HERC1: variants seen among roughly 807,000 people sequenced by gnomAD.
HERC1 encodes probable E3 ubiquitin-protein ligase HERC1.
Under a neutral mutation model 554.3 loss-of-function variants are expected in HERC1, and 160 were observed. The ratio of observed to expected loss-of-function variants is 0.29; its 90% CI spans 0.25 to 0.33. The LOEUF (loss-of-function observed/expected upper bound fraction) is 0.33. HERC1 is among the 10% of genes least tolerant of loss of function. The probability of loss-of-function intolerance (pLI) is 1.00; values close to 1 mark genes in which losing one functional copy is unlikely to be tolerated. For missense variants in HERC1, 4,919 were observed against 5,918.5 expected (o/e 0.83, Z 5.54); for synonymous variants, 2,175 against 2,131.7 (o/e 1.02, Z -0.56).
chr15:63,828,390 A>G (rs2078014380), intron 1 of HERC1, among the ~76,000 whole-genome samples: 1 of 151,844 alleles, frequency 6.6e-6, no homozygotes, highest in Admixed American at 6.6e-5. Flanking sequence ...CCCAGGCTGC[A>G]GTGCAATGGC....
At chr15:63,736,900 C>A (rs777460831) in intron 12 of HERC1, among the ~76,000 whole-genome samples, 3 of 152,100 alleles carry the variant, frequency 2.0e-5, no homozygotes, top group Non-Finnish European at 4.4e-5. Context: ...AGCCACCACG[C>A]CCGGCCATAG....
intron 19 of HERC1, among the ~76,000 whole-genome samples, 200 bp from the exon 20 acceptor site, chr15:63,719,097 C>T (rs569720858): frequency 6.6e-6 from 1 of 152,234 alleles, no homozygotes; most frequent in South Asian, 2.1e-4. Flanking sequence ...CCTGATCTAA[C>T]AGAGCTTATA....
intron 55 of HERC1, 107 bp from the exon 56 acceptor site, chr15:63,645,789 C>A: frequency 1.5e-6 from 1 of 682,546 alleles, no homozygotes; most frequent in Non-Finnish European, 2.4e-6. Context: ...ATTTCTATAA[C>A]TCATTTATTT....
chr15:63,664,478 G>A lies in HERC1; in HGVS notation c.8672C>T (p.Ala2891Val), dbSNP rs2070515556. 6.2e-7 allele frequency: 1 copy of A among 1,613,218 alleles called. No individual in the cohort carries two copies. The highest frequency in any genetic ancestry group is 1.3e-5 in the African/African-American group (1 of 75,016). The change falls in exon 43 of 78, where the codon GCA becomes GTA. Residue 2891 changes from alanine to valine, a missense_variant. Ala to Val is a moderately conservative substitution (Grantham distance 64). Coordinates refer to ENST00000443617, the MANE Select transcript of HERC1 (RefSeq NM_003922.4). Reference sequence around the variant, plus strand: ...ACGGAACATAAAATTACCTGCTCTTGCTAGCAGTGTGCGAGCAGCTAAGTC... The same window carrying A: ...ACGGAACATAAAATTACCTGCTCTTACTAGCAGTGTGCGAGCAGCTAAGTC... ...KFDLAARTLL[A>V]RAAGLYRSVQ...
chr15:63,753,937 A>T (rs935065574), intron 7 of HERC1, among the ~76,000 whole-genome samples: 11 of 152,266 alleles, frequency 7.2e-5, no homozygotes, highest in African/African-American at 2.4e-4. Context: ...ACTTTGGGAG[A>T]CTAAATCTGG....
chr15:63,723,686 T>C (rs1019340686), intron 18 of HERC1, among the ~76,000 whole-genome samples: 2 of 152,188 alleles, frequency 1.3e-5, no homozygotes, highest in African/African-American at 4.8e-5. Flanking sequence ...ACACGTGCAA[T>C]GGTCTTGTAT....
At chr15:63,745,674 T>C (rs2075029517) in intron 12 of HERC1, among the ~76,000 whole-genome samples, 1 of 152,196 alleles carries the variant, frequency 6.6e-6, no homozygotes, top group Non-Finnish European at 1.5e-5. Flanking sequence ...TTCTATCTCT[T>C]CAGTGCCTCT....
chr15:63,631,923 T>C (rs1213286573), intron 68 of HERC1, among the ~76,000 whole-genome samples: 2 of 152,018 alleles, frequency 1.3e-5, no homozygotes, highest in Admixed American at 1.3e-4. Flanking sequence ...CATTCTATAC[T>C]CTCTCTCTCT....
At chr15:63,620,916 C>A (rs1207258722) in intron 74 of HERC1, among the ~76,000 whole-genome samples, 1 of 152,090 alleles carries the variant, frequency 6.6e-6, no homozygotes, top group Non-Finnish European at 1.5e-5. Flanking sequence ...TTCCTGAATG[C>A]AGCACACTGA....
intron 54 of HERC1, among the ~76,000 whole-genome samples, chr15:63,649,159 C>T (rs1170778594): frequency 1.3e-5 from 2 of 152,170 alleles, no homozygotes; most frequent in Non-Finnish European, 1.5e-5. Flanking sequence ...TCGAGACCAT[C>T]CTGGCCAACA....
intron 69 of HERC1, 36 bp downstream of exon 69, chr15:63,630,430 G>C (rs779033187): frequency 1.3e-6 from 2 of 1,586,118 alleles, no homozygotes; most frequent in Non-Finnish European, 1.7e-6. Context: ...GAGATTTCTA[G>C]AATATGAGAA....
intron 1 of HERC1, among the ~76,000 whole-genome samples, chr15:63,814,470 G>A (rs1157990057): frequency 6.6e-6 from 1 of 152,008 alleles, no homozygotes; most frequent in Non-Finnish European, 1.5e-5. Context: ...GGAGGTTTTT[G>A]TTTTTTTGAG....
At chr15:63,788,892 A>C (rs918421342) in intron 1 of HERC1, among the ~76,000 whole-genome samples, 15 of 151,490 alleles carry the variant, frequency 9.9e-5, no homozygotes, top group Non-Finnish European at 2.2e-4. Context: ...AAAAAAAAAA[A>C]ATTTAGCAAT....
At chr15:63,744,171 T>TGA in intron 12 of HERC1, among the ~76,000 whole-genome samples, 1 of 42,092 alleles carries the variant, frequency 2.4e-5, no homozygotes, top group Non-Finnish European at 7.2e-5. Flanking sequence ...TGTGTCTCTC[T>TGA]CTCTCTCTCT....
chr15:63,625,889 A>T, intron 71 of HERC1, 96 bp downstream of exon 71: 1 of 1,288,164 alleles, frequency 7.8e-7, no homozygotes, highest in Non-Finnish European at 1.1e-6. Context: ...AATTTTCCAA[A>T]GGCAGAGGGA....
Position 63,679,190 on chromosome 15 carries a change from C to A in HERC1, c.6550-825G>T, listed in dbSNP as rs563806205. Among the ~76,000 whole-genome samples, 7 of 152,282 alleles carry A rather than the reference C, an allele frequency of 4.6e-5. No homozygotes were observed. The East Asian group carries it at 9.6e-4, about 21-fold the overall frequency. ...CATTCGAACCAGAACATGACAGAAA[C>A]TACTTTGGGCTGCAAACCTACATAG... On this transcript the variant is annotated intron_variant, in intron 36 of 77. Transcript: ENST00000443617.
chr15:63,706,360 T>TAC lies in HERC1; in HGVS notation c.4636+418_4636+419dup, dbSNP rs539379015. Among the ~76,000 whole-genome samples, 15 of 152,278 alleles carry TAC rather than the reference T, an allele frequency of 9.9e-5. No homozygotes were observed. The South Asian group carries it at 2.7e-3, about 27-fold the overall frequency. ...GAAACTTTTTATTTCAACGTGTGTGTACACGTGTACGGGGTAAGAAGTTCT... is the reference window on the plus strand; with the variant it reads ...GAAACTTTTTATTTCAACGTGTGTGTACACACGTGTACGGGGTAAGAAGTTCT... On this transcript the variant is annotated intron_variant, in intron 25 of 77. Transcript: ENST00000443617.
chr15:63,672,404 G>T, intron 39 of HERC1, 92 bp downstream of exon 39: 1 of 820,414 alleles, frequency 1.2e-6, no homozygotes, highest in Non-Finnish European at 1.9e-6. Flanking sequence ...AGAACACCAA[G>T]ATTCAGTTGG....
At position 63,684,636 on chromosome 15, in the gene HERC1, TGGA is replaced by T. The variant is rs1376706817; in HGVS notation, c.6225+1720_6225+1722del. Among the ~76,000 whole-genome samples, 9 of 152,266 alleles carry T rather than the reference TGGA, an allele frequency of 5.9e-5. No homozygotes were observed. In the East Asian group the frequency reaches 1.7e-3, roughly 29 times the overall value. ...CAAAAACTCAAGACTTGGGAAAATA[TGGA>T]GGAGTCGGGAGGGCATTAATGATCT... On this transcript the variant is annotated intron_variant, in intron 34 of 77. Transcript: ENST00000443617.
Sources: allele counts gnomAD v4.1 joint callset (sites outside exome capture counted in the v4.1 genomes callset), GRCh38; gene constraint gnomAD v4.1.1; transcripts MANE v1.5; gene names NCBI Gene and HGNC (gene_info 2026-07-23, HGNC 2026-07-21).